HAPLN1: variants seen among roughly 807,000 people sequenced by gnomAD.
The protein encoded by HAPLN1 is hyaluronan and proteoglycan link protein 1.
HAPLN1 carries 13 observed loss-of-function variants against 36.5 expected under a neutral mutation model. The observed-to-expected ratio is 0.36, with a 90% confidence interval of 0.23 to 0.57. The LOEUF (loss-of-function observed/expected upper bound fraction) is 0.57, where lower values mean the gene tolerates loss of function less well. Among genes scored for constraint, HAPLN1 ranks in the 20% least tolerant of loss-of-function variants. The pLI is 0.83. For synonymous variants in HAPLN1, 202 were observed against 169.8 expected (o/e 1.19, Z -1.48); for missense variants, 407 against 439.7 (o/e 0.93, Z 0.66).
At chr5:83,678,100 C>T (rs554299231) in intron 1 of HAPLN1, among the ~76,000 whole-genome samples, 2 of 152,096 alleles carry the variant, frequency 1.3e-5, no homozygotes, top group East Asian at 1.9e-4. Flanking sequence ...GATTACTGGG[C>T]GTTCTTCTTC....
intron 1 of HAPLN1, among the ~76,000 whole-genome samples, chr5:83,684,455 C>T (rs1303357683): frequency 6.6e-6 from 1 of 152,060 alleles, no homozygotes; most frequent in Non-Finnish European, 1.5e-5. Flanking sequence ...CGGAATGGTG[C>T]CCACTAAAAC....
intron 3 of HAPLN1, 94 bp downstream of exon 3, chr5:83,652,359 A>G: frequency 2.3e-6 from 3 of 1,306,982 alleles, no homozygotes; most frequent in Non-Finnish European, 3.1e-6. Flanking sequence ...TTTTCACTTT[A>G]TTACTGTGTT....
Position 83,699,521 on chromosome 5 carries a change from T to G in HAPLN1, c.-27+21268A>C, listed in dbSNP as rs1050879422. Among the ~76,000 whole-genome samples, 68 of 152,314 alleles carry G rather than the reference T, an allele frequency of 4.5e-4. 1 individual carries two copies. Among genetic ancestry groups the G allele is most frequent in the African/African-American group, 1.6e-3 (65 of 41,576 alleles). ...TCCCCAGAGCATGAATATAATTATGTTAAGATCTAAACTCCACAGTCAATA... is the reference window on the plus strand; with the variant it reads ...TCCCCAGAGCATGAATATAATTATGGTAAGATCTAAACTCCACAGTCAATA... On this transcript the variant is annotated intron_variant, in intron 1 of 4. Transcript: ENST00000274341.
At chr5:83,647,528 CTTA>C (rs1255054468) in intron 3 of HAPLN1, among the ~76,000 whole-genome samples, 6 of 152,168 alleles carry the variant, frequency 3.9e-5, no homozygotes, top group African/African-American at 1.4e-4. Context: ...TATTTGTTTA[CTTA>C]TTATACTTCT....
In HAPLN1 at chr5:83,641,844, A is replaced by G. The variant is rs993545791; in HGVS notation, c.776-59T>C. The G allele has an allele frequency of 3.3e-6, 5 of 1,521,536 alleles. No homozygotes were observed. The African/African-American group carries it at 5.5e-5, about 17-fold the overall frequency. 94.3% of individuals were successfully genotyped at this position (1,521,536 alleles called of 1,614,324 possible). On this transcript the variant is annotated intron_variant, in intron 4 of 4. Transcript: ENST00000274341. ...GTCTTCAATTGAGCCACACAGAGAT[A>G]GAAAGAGCCAAAAACGGAAGTGTTT...
intron 2 of HAPLN1, among the ~76,000 whole-genome samples, chr5:83,661,795 T>C (rs1750402662): frequency 6.6e-6 from 1 of 152,144 alleles, no homozygotes. Flanking sequence ...TTAGTGATTT[T>C]ATTTCTTCTT....
intron 2 of HAPLN1, among the ~76,000 whole-genome samples, chr5:83,655,808 T>C (rs1231042843): frequency 6.6e-6 from 1 of 152,060 alleles, no homozygotes; most frequent in Non-Finnish European, 1.5e-5. Flanking sequence ...CTCATGAGAA[T>C]CTTGAGCTTG....
intron 3 of HAPLN1, among the ~76,000 whole-genome samples, chr5:83,645,475 C>CTTTTTTTTTTTTTT: frequency 0.091 from 6,708 of 73,318 alleles, 1,095 homozygotes; most frequent in Middle Eastern, 0.13. Flanking sequence ...CTTTTTCTTT[C>CTTTTTTTTTTTTTT]TTTTTTTTTT....
chr5:83,698,023 G>A (rs1751431632), intron 1 of HAPLN1, among the ~76,000 whole-genome samples: 1 of 151,950 alleles, frequency 6.6e-6, no homozygotes, highest in South Asian at 2.1e-4. Context: ...TACTAATGAG[G>A]CCTCATTTAT....
intron 1 of HAPLN1, among the ~76,000 whole-genome samples, chr5:83,689,758 T>C (rs144834626): frequency 6.6e-6 from 1 of 152,024 alleles, no homozygotes; most frequent in African/African-American, 2.4e-5. Flanking sequence ...CTATAGAAGT[T>C]TGTGTGTGTG....
chr5:83,666,787 C>T (rs73769330), intron 2 of HAPLN1, among the ~76,000 whole-genome samples: 172 of 152,046 alleles, frequency 1.1e-3, no homozygotes, highest in African/African-American at 4.1e-3. Context: ...TTGCTTGTTG[C>T]CTTGATAATA....
chr5:83,641,911 G>T (rs979007456), intron 4 of HAPLN1, 126 bp from the exon 5 acceptor site: 35 of 1,009,740 alleles, frequency 3.5e-5, no homozygotes, highest in Non-Finnish European at 4.8e-5. Flanking sequence ...TAAAATTTTG[G>T]GAACATAGAA....
At position 83,644,529 on chromosome 5, in the gene HAPLN1, G is replaced by A. The variant is rs1263633113; in HGVS notation, c.609C>T (p.Asp203=). Residue 203 remains aspartate, a synonymous_variant, in exon 4 of 5, where the codon GAC becomes GAT. Transcript: ENST00000274341. ...QLYDAWRGGL[D]WCNAGWLSDG... ...CACTGAGCCAGCCGGCATTGCACCA[G>A]TCCAGCCCGCCCCGCCAGGCGTCGT... is the stretch of plus-strand genomic sequence containing the variant. 2 of 1,611,418 alleles carry A rather than the reference G, an allele frequency of 1.2e-6. No homozygotes were observed. The highest frequency in any genetic ancestry group is 3.4e-5 in the Admixed American group (2 of 59,636).
rs1251731716 is a variant in HAPLN1, at chr5:83,639,779, T to A, written c.*1717A>T. On this transcript the variant is annotated 3_prime_UTR_variant, in exon 5 of 5. Coordinates refer to ENST00000274341, the MANE Select transcript of HAPLN1 (RefSeq NM_001884.4). ...TTAAAAATGTGCATACATAACATTG[T>A]CATCTTTTAATATTAAAGCATCTGA... 6.6e-6 allele frequency: 1 copy of A among 152,130 alleles called. No homozygotes were observed. The highest frequency in any genetic ancestry group is 6.5e-5 in the Admixed American group (1 of 15,278). 9.4% of individuals were successfully genotyped at this position (152,130 alleles called of 1,614,324 possible). A position where few individuals can be genotyped will look rare whatever the true frequency, so the allele number is the denominator to read the frequency against.
intron 1 of HAPLN1, among the ~76,000 whole-genome samples, chr5:83,687,604 T>C (rs1751161112): frequency 6.6e-6 from 1 of 152,224 alleles, no homozygotes; most frequent in Middle Eastern, 3.2e-3. Context: ...TCAACTTTGC[T>C]AATTAAAATG....
At chr5:83,705,997 T>C (rs545013741) in intron 1 of HAPLN1, among the ~76,000 whole-genome samples, 5 of 151,696 alleles carry the variant, frequency 3.3e-5, no homozygotes, top group African/African-American at 1.2e-4. Context: ...TGGATAAATT[T>C]CTGGAAACAT....
At chr5:83,653,254 G>A (rs1329093520) in intron 2 of HAPLN1, among the ~76,000 whole-genome samples, 2 of 152,130 alleles carry the variant, frequency 1.3e-5, no homozygotes, top group South Asian at 2.1e-4. Context: ...AAACCCAGCT[G>A]GGCTTTCTAA....
chr5:83,715,531 A>G (rs923666037), intron 1 of HAPLN1, among the ~76,000 whole-genome samples: 2 of 152,234 alleles, frequency 1.3e-5, no homozygotes, highest in Non-Finnish European at 2.9e-5. Context: ...TGAGCCAATT[A>G]CTATGCAACA....
At chr5:83,683,394 A>C (rs1751049651) in intron 1 of HAPLN1, among the ~76,000 whole-genome samples, 2 of 152,186 alleles carry the variant, frequency 1.3e-5, no homozygotes, top group Non-Finnish European at 2.9e-5. Context: ...GAGTACTAAC[A>C]AAGTTAAGAG....
Sources: allele counts gnomAD v4.1 joint callset (sites outside exome capture counted in the v4.1 genomes callset), GRCh38; gene constraint gnomAD v4.1.1; transcripts MANE v1.5; gene names NCBI Gene and HGNC (gene_info 2026-07-23, HGNC 2026-07-21).